DNAH6: variants seen among roughly 807,000 people sequenced by gnomAD.
DNAH6 encodes axonemal beta dynein heavy chain 6.
Under a neutral mutation model 491.4 loss-of-function variants are expected in DNAH6, and 340 were observed. That is an observed-to-expected ratio of 0.69 (90% CI 0.63 to 0.76). DNAH6 has a LOEUF of 0.76. DNAH6 is among the 30% of genes least tolerant of loss of function. The pLI, the probability that DNAH6 is intolerant of heterozygous loss-of-function variation, is 0.00. For missense variants in DNAH6, 4,443 were observed against 4,972.2 expected (o/e 0.89, Z 3.20); for synonymous variants, 1,603 against 1,686.1 (o/e 0.95, Z 1.21).
the DNAH6 span, among the ~76,000 whole-genome samples, chr2:84,499,475 T>C: frequency 2.0e-5 from 3 of 152,244 alleles, no homozygotes; most frequent in Non-Finnish European, 4.4e-5. Flanking sequence ...CCACATCTTA[T>C]CTATTGTAAA....
chr2:84,484,580 T>C, the DNAH6 span, among the ~76,000 whole-genome samples: 1 of 152,204 alleles, frequency 6.6e-6, no homozygotes, highest in Admixed American at 6.5e-5. Context: ...TTTTGTGGCC[T>C]CTTTTTCCAT....
intron 31 of DNAH6, 33 bp from the exon 32 acceptor site, chr2:84,640,397 A>G: frequency 2.3e-6 from 3 of 1,294,984 alleles, no homozygotes; most frequent in Non-Finnish European, 3.3e-6. Context: ...TCAATACAAT[A>G]TAATAAGCAT....
At chr2:84,565,033 T>A (rs960559309) in intron 11 of DNAH6, among the ~76,000 whole-genome samples, 1 of 152,202 alleles carries the variant, frequency 6.6e-6, no homozygotes, top group African/African-American at 2.4e-5. Context: ...ATCCCAGGAA[T>A]AAAGTCTACT....
intron 15 of DNAH6, among the ~76,000 whole-genome samples, chr2:84,588,230 T>A (rs72941017): frequency 0.04 from 6,163 of 152,280 alleles, 402 homozygotes; most frequent in African/African-American, 0.14. Context: ...TGACTAAGAC[T>A]TGGACTAACT....
chr2:84,499,978 G>C, the DNAH6 span, among the ~76,000 whole-genome samples: 1 of 151,634 alleles, frequency 6.6e-6, no homozygotes, highest in African/African-American at 2.4e-5. Context: ...CATTCTGTGA[G>C]TTGTCTCTTC....
rs199509404 is a variant in DNAH6, at chr2:84,705,756, T to C, written c.8727+9T>C. ...AGCTCCGCGCCGCACAGGTACATTT[T>C]CTGTATTGTGATATTTTATAGAATT... On this transcript the variant is annotated intron_variant, in intron 52 of 76. Coordinates refer to ENST00000389394, the MANE Select transcript of DNAH6 (RefSeq NM_001370.2). The C allele has an allele frequency of 2.5e-4, 390 of 1,538,074 alleles. 4 individuals carry two copies. The Middle Eastern group carries it at 3.1e-3, about 12-fold the overall frequency.
At chr2:84,715,707 A>T in intron 58 of DNAH6, 80 bp downstream of exon 58, 1 of 1,362,046 alleles carries the variant, frequency 7.3e-7, no homozygotes, top group Non-Finnish European at 1.0e-6. Flanking sequence ...ATTGACAAAG[A>T]CAATGTTCTG....
intron 39 of DNAH6, among the ~76,000 whole-genome samples, chr2:84,671,888 A>G (rs545792728): frequency 2.0e-5 from 3 of 152,192 alleles, no homozygotes; most frequent in Non-Finnish European, 2.9e-5. Context: ...ATGCTTTTGA[A>G]TATCTAATCT....
At chr2:84,639,244 T>A (rs77647211) in intron 31 of DNAH6, among the ~76,000 whole-genome samples, 4,343 of 152,186 alleles carry the variant, frequency 0.029, 224 homozygotes, top group African/African-American at 0.099. Context: ...TTGTCCCAAC[T>A]TGGTAGGAAG....
rs11889456 is a variant in DNAH6, at chr2:84,619,559, A to G, written c.3573-126A>G. 0.092 allele frequency: 71,423 copies of G among 778,058 alleles called. 4,945 individuals are homozygous for G. The highest frequency in any genetic ancestry group is 0.3 in the African/African-American group (16,912 of 57,098). The allele number at this position is 778,058 out of a possible 1,614,324, so 48.2% of individuals were successfully genotyped here. The stretch of plus-strand genomic sequence containing the variant: ...GTGGCTTCCCCAGAAACCCATGACC[A>G]GTATAATTGGAGGTCCAGGAAATTG... On this transcript the variant is annotated intron_variant, in intron 23 of 76. Coordinates refer to ENST00000389394, the MANE Select transcript of DNAH6 (RefSeq NM_001370.2).
chr2:84,818,335 A>G (rs1321428725), intron 76 of DNAH6, among the ~76,000 whole-genome samples: 1 of 151,998 alleles, frequency 6.6e-6, no homozygotes, highest in Non-Finnish European at 1.5e-5. Flanking sequence ...CAAAAAATAC[A>G]AAAATTAGCA....
Position 84,619,801 on chromosome 2 carries a change from C to T in DNAH6, c.3689C>T (p.Ala1230Val), listed in dbSNP as rs1687229718. 5.2e-6 allele frequency: 8 copies of T among 1,551,524 alleles called. No homozygotes were observed. Among genetic ancestry groups the T allele is most frequent in the Non-Finnish European group, 6.1e-6 (7 of 1,146,858 alleles). The part of the protein sequence containing the change: ...CFDSISKLEF[A>V]LMPPAEGKIP... ...GACTCCATTTCAAAGCTCGAATTTG[C>T]TCTCATGCCTCCTGCCGAAGGAAAG... Residue 1230 changes from alanine (A) to valine (V), a missense_variant, in exon 24 of 77, where the codon GCT becomes GTT. This residue lies in a region of DNAH6 where 2,977 missense variants were observed against 3,296.6 expected (regional missense o/e 0.90). Coordinates refer to ENST00000389394, the MANE Select transcript of DNAH6 (RefSeq NM_001370.2).
At chr2:84,578,282 T>C (rs1167874604) in intron 13 of DNAH6, among the ~76,000 whole-genome samples, 1 of 152,020 alleles carries the variant, frequency 6.6e-6, no homozygotes, top group Non-Finnish European at 1.5e-5. Flanking sequence ...AAAAGAAATA[T>C]ATATATAATT....
At chr2:84,780,067 A>AT (rs1055902118) in intron 64 of DNAH6, among the ~76,000 whole-genome samples, 13 of 149,946 alleles carry the variant, frequency 8.7e-5, no homozygotes, top group Middle Eastern at 3.4e-3. Context: ...GCCTTTAAGA[A>AT]TTTTTTTTTT....
chr2:84,785,924 G>A (rs1006885964), intron 67 of DNAH6, among the ~76,000 whole-genome samples, 168 bp downstream of exon 67: 3 of 152,136 alleles, frequency 2.0e-5, no homozygotes, highest in South Asian at 2.1e-4. Context: ...CCTTGCCTTC[G>A]TATTTCACAG....
At chr2:84,683,602 T>A (rs1400409209) in intron 42 of DNAH6, among the ~76,000 whole-genome samples, 1 of 151,922 alleles carries the variant, frequency 6.6e-6, no homozygotes. Flanking sequence ...TTTGTATTTT[T>A]AGTAAAGACC....
At position 84,552,132 on chromosome 2, in the gene DNAH6, G is replaced by A. The variant is rs951433066; in HGVS notation, c.1486-786G>A. Among the ~76,000 whole-genome samples the A allele has an allele frequency of 7.3e-5, 11 of 151,566 alleles. No individual in the cohort carries two copies. The South Asian group carries it at 1.0e-3, about 14-fold the overall frequency. Reference sequence around the variant, plus strand: ...ATTACCATTCGTTTTAATCTGTGTCGGTAATACACAAGGTGGTATATCACT... The same window carrying A: ...ATTACCATTCGTTTTAATCTGTGTCAGTAATACACAAGGTGGTATATCACT... On this transcript the variant is annotated intron_variant, in intron 9 of 76. Transcript: ENST00000389394.
intron 18 of DNAH6, among the ~76,000 whole-genome samples, chr2:84,604,002 T>C (rs996500976): frequency 5.3e-5 from 8 of 152,226 alleles, no homozygotes; most frequent in African/African-American, 1.9e-4. Context: ...TTTAGCGCTC[T>C]ATTTTTAAAA....
chr2:84,786,202 A>G (rs1056420120), intron 67 of DNAH6, among the ~76,000 whole-genome samples: 8 of 152,126 alleles, frequency 5.3e-5, no homozygotes, highest in African/African-American at 1.9e-4. Flanking sequence ...AACATGGGCA[A>G]TTCGCTTGAG....
Sources: allele counts gnomAD v4.1 joint callset (sites outside exome capture counted in the v4.1 genomes callset), GRCh38; gene constraint gnomAD v4.1.1; regional missense constraint gnomAD v4.1.1; transcripts MANE v1.5; gene names NCBI Gene and HGNC (gene_info 2026-07-23, HGNC 2026-07-21).